Variants in NBEA observed in about 807,000 individuals in gnomAD.
NBEA encodes the protein lysosomal-trafficking regulator 2.
NBEA carries 44 observed loss-of-function variants against 343.4 expected under a neutral mutation model. The observed-to-expected ratio is 0.13, with a 90% CI of 0.10 to 0.16. The LOEUF (loss-of-function observed/expected upper bound fraction) is 0.16. Among genes scored for constraint, NBEA ranks in the 10% least tolerant of loss-of-function variants. The pLI, the probability that NBEA is intolerant of heterozygous loss-of-function variation, is 1.00. For synonymous variants in NBEA, 1,175 were observed against 1,238.7 expected (o/e 0.95, Z 1.08); for missense variants, 2,555 against 3,631.3 (o/e 0.70, Z 7.62).
chr13:35,184,173 C>G, intron 30 of NBEA, 102 bp downstream of exon 30: 1 of 781,310 alleles, frequency 1.3e-6, no homozygotes, highest in South Asian at 2.4e-5. Context: ...AAGTATATAC[C>G]TCAGGTTTCA....
intron 1 of NBEA, among the ~76,000 whole-genome samples, chr13:34,967,714 G>A (rs536202884): frequency 1.7e-4 from 26 of 152,152 alleles, no homozygotes; most frequent in Non-Finnish European, 3.7e-4. Flanking sequence ...GCCACATGGT[G>A]TCTATTACAA....
At position 35,035,367 on chromosome 13, in the gene NBEA, A is replaced by G. The variant is rs539323924; in HGVS notation, c.295-5566A>G. On this transcript the variant is annotated intron_variant, in intron 1 of 58. Transcript: ENST00000379939. ...TTTCTAGTTTTATTCCGTTGTTGTC[A>G]GAGAAGAGCTTTATATTATTTCATT... 3.9e-5 allele frequency among the ~76,000 whole-genome samples: 6 copies of G among 152,022 alleles called. No homozygotes were observed. The East Asian group carries it at 1.2e-3, about 29-fold the overall frequency.
chr13:35,639,040 A>G (rs2083821665), intron 49 of NBEA, among the ~76,000 whole-genome samples: 1 of 152,208 alleles, frequency 6.6e-6, no homozygotes, highest in African/African-American at 2.4e-5. Flanking sequence ...ATATTGTCTA[A>G]GTGCATCTAC....
At chr13:35,005,638 A>G (rs2061292442) in intron 1 of NBEA, among the ~76,000 whole-genome samples, 1 of 152,190 alleles carries the variant, frequency 6.6e-6, no homozygotes, top group Non-Finnish European at 1.5e-5. Context: ...GAGAAGACAG[A>G]AAGTGAAACA....
At chr13:35,016,712 A>G (rs1296039840) in intron 1 of NBEA, among the ~76,000 whole-genome samples, 2 of 152,192 alleles carry the variant, frequency 1.3e-5, no homozygotes, top group Non-Finnish European at 2.9e-5. Context: ...ATTTTTATCC[A>G]GAATAATGGA....
intron 34 of NBEA, among the ~76,000 whole-genome samples, chr13:35,254,462 T>G (rs1260766204): frequency 1.3e-5 from 2 of 151,598 alleles, no homozygotes; most frequent in Non-Finnish European, 2.9e-5. Context: ...GGACAACAGG[T>G]GTGCACCACC....
chr13:35,182,214 A>G (rs2071364561), intron 28 of NBEA, 146 bp from the exon 29 acceptor site: 1 of 302,850 alleles, frequency 3.3e-6, no homozygotes, highest in Non-Finnish European at 5.8e-6. Flanking sequence ...TACTTATTAA[A>G]TAAATATATA....
chr13:35,417,511 A>G (rs144069870), intron 38 of NBEA, among the ~76,000 whole-genome samples: 4,520 of 152,194 alleles, frequency 0.03, 106 homozygotes, highest in Non-Finnish European at 0.045. Flanking sequence ...GTCATTCAGG[A>G]GCAGGTTGTT....
intron 55 of NBEA, among the ~76,000 whole-genome samples, chr13:35,664,341 G>A (rs2085248524): frequency 1.3e-5 from 2 of 152,124 alleles, no homozygotes; most frequent in Non-Finnish European, 1.5e-5. Flanking sequence ...GGGGATCGGG[G>A]GTGGTTACCC....
chr13:35,661,078 A>C (rs761441916), intron 55 of NBEA, among the ~76,000 whole-genome samples: 2 of 152,028 alleles, frequency 1.3e-5, no homozygotes, highest in Non-Finnish European at 2.9e-5. Context: ...GCTGCTTGCT[A>C]CTCGGCCTCG....
chr13:35,315,722 A>AAAATATACACC (rs1349079268), intron 36 of NBEA, among the ~76,000 whole-genome samples: 1 of 152,144 alleles, frequency 6.6e-6, no homozygotes, highest in Non-Finnish European at 1.5e-5. Context: ...AGAATAGGGG[A>AAAATATACACC]AAATATACAC....
At chr13:35,238,996 C>G (rs1232445168) in intron 34 of NBEA, among the ~76,000 whole-genome samples, 1 of 151,984 alleles carries the variant, frequency 6.6e-6, no homozygotes. Flanking sequence ...ATCAGAAAAA[C>G]TTGCCGTATT....
At chr13:35,331,837 C>G (rs2152848915) in intron 36 of NBEA, among the ~76,000 whole-genome samples, 1 of 152,110 alleles carries the variant, frequency 6.6e-6, no homozygotes. Flanking sequence ...AATAACCTTG[C>G]ATTAGAAAAT....
At chr13:34,961,336 A>G (rs1474831002) in intron 1 of NBEA, among the ~76,000 whole-genome samples, 1 of 152,092 alleles carries the variant, frequency 6.6e-6, no homozygotes, top group Non-Finnish European at 1.5e-5. Context: ...ATGATCAGAT[A>G]TTAATGTTTA....
chr13:35,255,174 T>C (rs2032443493), intron 34 of NBEA, among the ~76,000 whole-genome samples: 1 of 152,234 alleles, frequency 6.6e-6, no homozygotes, highest in East Asian at 1.9e-4. Context: ...CTTATTTTTT[T>C]CCCCACTGAA....
chr13:35,645,155 G>A (rs1011786000), intron 49 of NBEA, among the ~76,000 whole-genome samples: 2 of 152,152 alleles, frequency 1.3e-5, no homozygotes, highest in Admixed American at 6.5e-5. Context: ...GAGATTAGTG[G>A]TGGTGCTATG....
chr13:35,456,720 A>T lies in NBEA; in HGVS notation c.6448+4485A>T, dbSNP rs1302473168. Among the ~76,000 whole-genome samples the T allele has an allele frequency of 4.6e-5, 7 of 151,926 alleles. 1 individual carries two copies. The highest frequency in any genetic ancestry group is 3.3e-4 in the Admixed American group (5 of 15,250). On this transcript the variant is annotated intron_variant, in intron 40 of 58. Transcript: ENST00000379939. ...GAAAAAATGGCATCCCACCAATGAA[A>T]CGTATTTCATTTCTTTTAGAATGGT...
At chr13:35,637,108 A>G (rs1055129337) in intron 49 of NBEA, among the ~76,000 whole-genome samples, 6 of 152,140 alleles carry the variant, frequency 3.9e-5, no homozygotes, top group Non-Finnish European at 7.4e-5. Flanking sequence ...TAACAATCCT[A>G]TTTGTATCAG....
intron 8 of NBEA, among the ~76,000 whole-genome samples, chr13:35,067,964 C>T (rs184351277): frequency 3.3e-5 from 5 of 152,054 alleles, no homozygotes; most frequent in African/African-American, 4.8e-5. Context: ...TCTCAAACTC[C>T]GGGCCTCAAG....
Sources: gnomAD v4.1 joint callset for allele counts (sites outside exome capture counted in the v4.1 genomes callset) on GRCh38, gnomAD v4.1.1 for gene constraint, MANE v1.5 for transcripts, NCBI Gene and HGNC (gene_info 2026-07-23, HGNC 2026-07-21) for gene names.